REDIC1: variants seen among roughly 807,000 people sequenced by gnomAD.
The protein encoded by REDIC1 is HEI10 Interacting Protein 1.
the REDIC1 span, among the ~76,000 whole-genome samples, chr12:39,708,664 C>T: frequency 5.3e-5 from 8 of 151,616 alleles, no homozygotes; most frequent in Non-Finnish European, 1.2e-4. Flanking sequence ...TGTGATATTA[C>T]CTTTTTTATA....
At chr12:39,643,680 C>A in the REDIC1 span, 1 of 821,438 alleles carries the variant, frequency 1.2e-6, no homozygotes, top group Non-Finnish European at 1.8e-6. Flanking sequence ...ATAAAAGTAT[C>A]AAGTCAATGA....
chr12:39,702,084 AAAATC>A, the REDIC1 span, among the ~76,000 whole-genome samples: 1 of 152,180 alleles, frequency 6.6e-6, no homozygotes, highest in African/African-American at 2.4e-5. Context: ...AGAAATAACT[AAAATC>A]AGAGCAGAAC....
the REDIC1 span, among the ~76,000 whole-genome samples, chr12:39,807,165 C>T: frequency 1.5e-3 from 230 of 152,278 alleles, 1 homozygote; most frequent in East Asian, 0.013. Context: ...ATAACTTTTG[C>T]GCCAACCTAG....
chr12:39,778,380 C>T, the REDIC1 span, among the ~76,000 whole-genome samples: 10 of 152,054 alleles, frequency 6.6e-5, no homozygotes, highest in Non-Finnish European at 1.3e-4. Context: ...TCTTGGGGGC[C>T]AGCTGTAGGG....
the REDIC1 span, among the ~76,000 whole-genome samples, chr12:39,706,688 C>G: frequency 6.6e-6 from 1 of 151,964 alleles, no homozygotes; most frequent in South Asian, 2.1e-4. Flanking sequence ...AATAGAGAAC[C>G]CAGAAACAAT....
chr12:39,687,170 A>G, the REDIC1 span, among the ~76,000 whole-genome samples: 2 of 151,748 alleles, frequency 1.3e-5, no homozygotes, highest in East Asian at 3.9e-4. Context: ...AGCCTGCCAC[A>G]CTCTTCCAAT....
the REDIC1 span, among the ~76,000 whole-genome samples, chr12:39,711,613 G>GTA: frequency 3.1e-5 from 3 of 97,722 alleles, no homozygotes; most frequent in African/African-American, 9.5e-5. Context: ...ACATGCATGT[G>GTA]TATGTGTATA....
chr12:39,651,497 T>G, the REDIC1 span, among the ~76,000 whole-genome samples: 1 of 152,198 alleles, frequency 6.6e-6, no homozygotes, highest in Non-Finnish European at 1.5e-5. Context: ...CACTATTCAC[T>G]GAGTTGCTAA....
At chr12:39,850,610 T>C in the REDIC1 span, among the ~76,000 whole-genome samples, 5 of 152,218 alleles carry the variant, frequency 3.3e-5, no homozygotes, top group Non-Finnish European at 5.9e-5. Flanking sequence ...TATACGGTAA[T>C]TGCCAAAAAT....
the REDIC1 span, among the ~76,000 whole-genome samples, chr12:39,676,005 C>A: frequency 6.6e-6 from 1 of 152,238 alleles, no homozygotes. Flanking sequence ...TGAGAAGGAA[C>A]CAGAAAAGTA....
chr12:39,877,396 C>T, the REDIC1 span, among the ~76,000 whole-genome samples: 45 of 149,936 alleles, frequency 3.0e-4, no homozygotes, highest in African/African-American at 1.1e-3. Context: ...AGAATTGGAA[C>T]CCCCCCTCCA....
At chr12:39,875,832 G>A in the REDIC1 span, among the ~76,000 whole-genome samples, 1 of 152,112 alleles carries the variant, frequency 6.6e-6, no homozygotes, top group Non-Finnish European at 1.5e-5. Flanking sequence ...AATGATGTCA[G>A]CCAACCATTT....
At chr12:39,905,118 CAG>C in the REDIC1 span, among the ~76,000 whole-genome samples, 1 of 152,106 alleles carries the variant, frequency 6.6e-6, no homozygotes, top group African/African-American at 2.4e-5. Context: ...ATTTTAAAAT[CAG>C]AATTTAAAAA....
At chr12:39,817,061 A>T in the REDIC1 span, among the ~76,000 whole-genome samples, 2 of 152,192 alleles carry the variant, frequency 1.3e-5, no homozygotes, top group Non-Finnish European at 2.9e-5. Flanking sequence ...GTAGGTGGTG[A>T]GTGACTGTAT....
At chr12:39,691,215 C>T in the REDIC1 span, among the ~76,000 whole-genome samples, 5 of 152,080 alleles carry the variant, frequency 3.3e-5, no homozygotes, top group African/African-American at 1.2e-4. Flanking sequence ...CGTAACATGT[C>T]TAAACCAATT....
the REDIC1 span, among the ~76,000 whole-genome samples, chr12:39,736,085 T>G: frequency 6.6e-6 from 1 of 152,212 alleles, no homozygotes; most frequent in Non-Finnish European, 1.5e-5. Flanking sequence ...TCAGCATTTT[T>G]TAATGGAAAA....
the REDIC1 span, among the ~76,000 whole-genome samples, chr12:39,779,549 A>C: frequency 2.0e-5 from 3 of 152,202 alleles, no homozygotes; most frequent in Non-Finnish European, 4.4e-5. Context: ...TAGCTCAATA[A>C]ATGTAAATGT....
the REDIC1 span, chr12:39,835,566 C>T: frequency 6.6e-6 from 1 of 152,164 alleles, no homozygotes; most frequent in African/African-American, 2.4e-5. Context: ...AAATTTCAGG[C>T]TAATCCACAT....
chr12:39,653,915 T>C, the REDIC1 span, among the ~76,000 whole-genome samples: 1 of 151,778 alleles, frequency 6.6e-6, no homozygotes, highest in Non-Finnish European at 1.5e-5. Context: ...CTTGAAATTA[T>C]GATTTTTTTA....
Sources: allele counts gnomAD v4.1 joint callset (sites outside exome capture counted in the v4.1 genomes callset), GRCh38; gene constraint gnomAD v4.1.1; transcripts MANE v1.5; gene names NCBI Gene and HGNC (gene_info 2026-07-23, HGNC 2026-07-21).